Variants in NOL4 observed in about 807,000 individuals in gnomAD.
NOL4 encodes the protein cancer/testis antigen 125.
A neutral mutation model predicts 75.9 loss-of-function variants in NOL4; 17 were observed. The observed-to-expected ratio is 0.22, with a 90% CI of 0.15 to 0.34. NOL4 has a LOEUF of 0.34. Ranked by LOEUF, NOL4 falls within the 10% of genes least tolerant of loss-of-function variation. The pLI, the probability that NOL4 is intolerant of heterozygous loss-of-function variation, is 1.00. For missense variants in NOL4, 614 were observed against 793.5 expected, an observed-to-expected ratio of 0.77 and a Z score of 2.72; for synonymous variants, 292 against 289.9, an observed-to-expected ratio of 1.01 and a Z score of -0.07.
At chr18:33,950,833 G>C (rs1286380132) in intron 8 of NOL4, among the ~76,000 whole-genome samples, 2 of 152,116 alleles carry the variant, frequency 1.3e-5, no homozygotes, top group Admixed American at 1.3e-4. Context: ...TCCCAGGAAA[G>C]GGAACTGTGA....
intron 9 of NOL4, among the ~76,000 whole-genome samples, chr18:33,940,845 T>C (rs11875959): frequency 0.013 from 2,029 of 151,740 alleles, 46 homozygotes; most frequent in African/African-American, 0.046. Context: ...ATATGGAGAG[T>C]AGGGCCAAGG....
chr18:34,166,622 G>T (rs1326211507), intron 1 of NOL4, among the ~76,000 whole-genome samples: 1 of 152,006 alleles, frequency 6.6e-6, no homozygotes, highest in Non-Finnish European at 1.5e-5. Flanking sequence ...TAACAATCAT[G>T]CTGTAACTTT....
intron 1 of NOL4, among the ~76,000 whole-genome samples, chr18:34,141,683 C>A (rs901687003): frequency 6.6e-6 from 1 of 152,160 alleles, no homozygotes; most frequent in African/African-American, 2.4e-5. Context: ...AAAATTAATT[C>A]AAGATGGATT....
intron 1 of NOL4, among the ~76,000 whole-genome samples, chr18:34,209,194 C>CAA (rs777403436): frequency 3.4e-4 from 19 of 56,390 alleles, no homozygotes; most frequent in South Asian, 6.6e-4. Flanking sequence ...ACTCTGTCTC[C>CAA]AAAAAAAAAA....
chr18:33,968,796 A>G (rs1170261187), intron 6 of NOL4, among the ~76,000 whole-genome samples: 1 of 152,164 alleles, frequency 6.6e-6, no homozygotes, highest in East Asian at 1.9e-4. Context: ...AAAATCTTCT[A>G]AGTGCCACAA....
At chr18:33,973,510 G>T (rs2071240676) in intron 6 of NOL4, among the ~76,000 whole-genome samples, 1 of 152,136 alleles carries the variant, frequency 6.6e-6, no homozygotes, top group Non-Finnish European at 1.5e-5. Flanking sequence ...CTTTCCGGAA[G>T]GTTTTCAATT....
chr18:33,980,117 T>C (rs2071828648), intron 6 of NOL4, among the ~76,000 whole-genome samples: 1 of 152,074 alleles, frequency 6.6e-6, no homozygotes, highest in Admixed American at 6.6e-5. Context: ...GAAGTGAGGT[T>C]CTAGGTCAGA....
intron 1 of NOL4, among the ~76,000 whole-genome samples, chr18:34,137,809 C>CACACACAA (rs58700786): frequency 6.6e-6 from 1 of 150,632 alleles, no homozygotes; most frequent in East Asian, 2.0e-4. Context: ...CACACACACA[C>CACACACAA]GCACGCACAC....
chr18:34,100,036 C>T (rs1173163350), intron 4 of NOL4, among the ~76,000 whole-genome samples: 1 of 119,664 alleles, frequency 8.4e-6, no homozygotes, highest in Non-Finnish European at 1.8e-5. Flanking sequence ...CATCCTTAGT[C>T]TTGCTTTTTT....
intron 5 of NOL4, among the ~76,000 whole-genome samples, chr18:34,029,183 T>C (rs1387394322): frequency 3.3e-5 from 5 of 152,160 alleles, no homozygotes; most frequent in African/African-American, 1.2e-4. Context: ...AAATATATCC[T>C]GGTTTAGACA....
chr18:33,984,550 T>A (rs2146026272), intron 6 of NOL4, among the ~76,000 whole-genome samples: 1 of 152,038 alleles, frequency 6.6e-6, no homozygotes, highest in Middle Eastern at 3.4e-3. Flanking sequence ...CCATAGTGAG[T>A]TCTCATGAAC....
At chr18:33,974,370 T>C (rs2071329910) in intron 6 of NOL4, among the ~76,000 whole-genome samples, 2 of 152,174 alleles carry the variant, frequency 1.3e-5, no homozygotes, top group African/African-American at 2.4e-5. Flanking sequence ...TAAAACCTTC[T>C]CCATATCAGC....
chr18:34,112,630 T>C (rs931779058), intron 2 of NOL4, among the ~76,000 whole-genome samples: 1 of 152,064 alleles, frequency 6.6e-6, no homozygotes, highest in Non-Finnish European at 1.5e-5. Flanking sequence ...TAATCTCACC[T>C]GTAAGTGGAA....
chr18:34,222,601 C>A (rs1025023972), intron 1 of NOL4: 4 of 416,158 alleles, frequency 9.6e-6, no homozygotes, highest in Non-Finnish European at 1.3e-5. Flanking sequence ...GGCTTCCAGC[C>A]TGGCCTTTAG....
intron 6 of NOL4, among the ~76,000 whole-genome samples, chr18:33,971,234 C>T (rs1488496223): frequency 6.6e-6 from 1 of 152,166 alleles, no homozygotes; most frequent in Non-Finnish European, 1.5e-5. Flanking sequence ...ATCCCAAACA[C>T]CTGTGTGGCA....
At chr18:33,930,035 A>G (rs1425811896) in intron 9 of NOL4, among the ~76,000 whole-genome samples, 5 of 152,140 alleles carry the variant, frequency 3.3e-5, no homozygotes, top group African/African-American at 1.2e-4. Context: ...ATTCAGGTCT[A>G]ATATTCTTTC....
intron 1 of NOL4, 136 bp downstream of exon 1, chr18:34,222,854 G>C (rs1284851931): frequency 8.6e-7 from 1 of 1,156,444 alleles, no homozygotes; most frequent in East Asian, 2.5e-5. Flanking sequence ...GACGACTTGG[G>C]GAGGGGGTTG....
intron 6 of NOL4, among the ~76,000 whole-genome samples, chr18:33,980,436 C>T (rs2071859857): frequency 6.6e-6 from 1 of 151,872 alleles, no homozygotes; most frequent in African/African-American, 2.4e-5. Context: ...GGAAAAGTAA[C>T]CATTTTGAAA....
Position 33,867,131 on chromosome 18 carries a change from C to T in NOL4, c.1724-14096G>A, listed in dbSNP as rs1486103144. On this transcript the variant is annotated intron_variant, in intron 10 of 10. Coordinates refer to ENST00000261592, the MANE Select transcript of NOL4 (RefSeq NM_003787.5). Reference sequence around the variant, plus strand: ...CTATTTATAGTTTACTTGTAAATACCGTAGGGGGTTAATTGTTTGCCTAAA... The same window carrying T: ...CTATTTATAGTTTACTTGTAAATACTGTAGGGGGTTAATTGTTTGCCTAAA... 3.9e-5 allele frequency among the ~76,000 whole-genome samples: 6 copies of T among 152,044 alleles called. No individual in the cohort carries two copies. The South Asian group carries it at 8.3e-4, about 21-fold the overall frequency.
Sources: gnomAD v4.1 joint callset for allele counts (sites outside exome capture counted in the v4.1 genomes callset) on GRCh38, gnomAD v4.1.1 for gene constraint, MANE v1.5 for transcripts, NCBI Gene and HGNC (gene_info 2026-07-23, HGNC 2026-07-21) for gene names.